Variants in GRXCR2 observed in about 807,000 individuals in gnomAD.
GRXCR2 encodes the protein glutaredoxin and cysteine rich domain containing 2, also known as glutaredoxin domain-containing cysteine-rich protein 2.
Under a neutral mutation model 24.8 loss-of-function variants are expected in GRXCR2, and 23 were observed. The ratio of observed to expected loss-of-function variants is 0.93; its 90% CI spans 0.67 to 1.32. The LOEUF is 1.32. Among genes scored for constraint, GRXCR2 ranks in the 40% most tolerant of loss-of-function variants. GRXCR2 has a pLI of 0.00. For synonymous variants in GRXCR2, 130 were observed against 116.1 expected, an observed-to-expected ratio of 1.12 and a Z score of -0.77; for missense variants, 315 against 303.4, an observed-to-expected ratio of 1.04 and a Z score of -0.28.
chr5:145,926,472 T>C (rs1301693282), intron 2 of GRXCR2, among the ~76,000 whole-genome samples: 2 of 152,216 alleles, frequency 1.3e-5, no homozygotes, highest in East Asian at 3.8e-4. Context: ...CAGTACCATT[T>C]ATTAAATAGG....
intron 2 of GRXCR2, among the ~76,000 whole-genome samples, chr5:145,866,148 A>AAAAG (rs1363293466): frequency 1.6e-4 from 24 of 148,266 alleles, no homozygotes; most frequent in African/African-American, 3.3e-4. Context: ...AAAAAAAAAA[A>AAAAG]AAAGAAAGAA....
chr5:145,868,823 G>A (rs1216929846), intron 1 of GRXCR2, among the ~76,000 whole-genome samples: 1 of 152,158 alleles, frequency 6.6e-6, no homozygotes, highest in Non-Finnish European at 1.5e-5. Flanking sequence ...CACTTTTAAG[G>A]TGTGTTTAAG....
At chr5:145,876,128 C>T (rs1756609553), upstream of GRXCR2, among the ~76,000 whole-genome samples, 1 of 150,028 alleles carries the variant, frequency 6.7e-6, no homozygotes, top group South Asian at 2.1e-4. Flanking sequence ...AATTATGCCA[C>T]TGCACTCCAG....
chr5:145,866,673 A>AT lies in GRXCR2; in HGVS notation c.391dup (p.Ile131AsnfsTer23). ...TCTCTTGTCCATTGGGGTTCGAATG[A>AT]TTTTCAGGTTATTAGTGTAGATGAT... is the stretch of plus-strand genomic sequence containing the variant. On this transcript the variant is annotated frameshift_variant, in exon 2 of 3. Coordinates refer to ENST00000377976, the MANE Select transcript of GRXCR2 (RefSeq NM_001080516.2). LOFTEE classifies it high-confidence loss of function. The AT allele has an allele frequency of 1.9e-6, 3 of 1,613,770 alleles. No individual in the cohort carries two copies. The highest frequency in any genetic ancestry group is 2.5e-6 in the Non-Finnish European group (3 of 1,179,666).
chr5:145,916,808 C>A (rs767597229), intron 2 of GRXCR2, among the ~76,000 whole-genome samples: 1 of 152,038 alleles, frequency 6.6e-6, no homozygotes, highest in African/African-American at 2.4e-5. Flanking sequence ...TATGACCAAC[C>A]TTAGAGGGTC....
chr5:145,860,790 A>G (rs866420321), intron 2 of GRXCR2, among the ~76,000 whole-genome samples: 4 of 152,142 alleles, frequency 2.6e-5, no homozygotes, highest in African/African-American at 7.2e-5. Flanking sequence ...TTATTTATAG[A>G]ATTGAATAAT....
chr5:145,865,852 G>A (rs1267481771), intron 2 of GRXCR2, among the ~76,000 whole-genome samples: 1 of 151,904 alleles, frequency 6.6e-6, no homozygotes, highest in Non-Finnish European at 1.5e-5. Flanking sequence ...AAAAGATAGG[G>A]CCAGGCCAGG....
At chr5:145,884,849 G>A (rs1020605449) in intron 2 of GRXCR2, among the ~76,000 whole-genome samples, 2 of 152,076 alleles carry the variant, frequency 1.3e-5, no homozygotes, top group African/African-American at 4.8e-5. Context: ...ATCTTTTTAG[G>A]AGTAGAATTT....
At chr5:145,922,716 A>C (rs970697336) in intron 2 of GRXCR2, among the ~76,000 whole-genome samples, 4 of 152,218 alleles carry the variant, frequency 2.6e-5, no homozygotes, top group Non-Finnish European at 5.9e-5. Context: ...CCAGGGACTC[A>C]TATGGTCCAG....
intron 2 of GRXCR2, among the ~76,000 whole-genome samples, chr5:145,897,037 A>G (rs1756960538): frequency 6.6e-6 from 1 of 150,816 alleles, no homozygotes; most frequent in African/African-American, 2.4e-5. Context: ...CGCAAGGACA[A>G]AAAACCAAAC....
intron 1 of GRXCR2, among the ~76,000 whole-genome samples, chr5:145,869,379 T>C (rs1444493469): frequency 6.6e-6 from 1 of 152,174 alleles, no homozygotes; most frequent in Admixed American, 6.5e-5. Context: ...TAAACTTCAG[T>C]TTTAATTGCT....
Position 145,889,154 on chromosome 5 carries a change from C to T in GRXCR2, c.-69-22426G>A, listed in dbSNP as rs540278646. Among the ~76,000 whole-genome samples, 4 of 138,386 alleles carry T rather than the reference C, an allele frequency of 2.9e-5. No homozygotes were observed. The South Asian group carries it at 8.9e-4, about 31-fold the overall frequency. The allele number at this position is 138,386 out of a possible 152,430, so 90.8% of individuals were successfully genotyped here. On this transcript the variant is annotated intron_variant, in intron 2 of 3. Coordinates refer to the GRXCR2 transcript ENST00000639411. The stretch of plus-strand genomic sequence containing the variant: ...ACTCCAGCTTGAGCTGGGTGACAGA[C>T]CGAGACTCTGTCTCAAAAAAAGAAA...
At chr5:145,893,342 C>T (rs6898019) in intron 2 of GRXCR2, among the ~76,000 whole-genome samples, 107,718 of 152,022 alleles carry the variant, frequency 0.71, 39,141 homozygotes, top group African/African-American at 0.87. Context: ...AATGGCAAAT[C>T]GGATAAAGAG....
At chr5:145,868,145 A>G (rs1016230293) in intron 1 of GRXCR2, among the ~76,000 whole-genome samples, 1 of 152,080 alleles carries the variant, frequency 6.6e-6, no homozygotes, top group African/African-American at 2.4e-5. Context: ...TTTATTTTAT[A>G]TGTTGATTGT....
upstream of GRXCR2, among the ~76,000 whole-genome samples, chr5:145,873,693 G>A (rs558800990): frequency 1.2e-4 from 19 of 152,306 alleles, no homozygotes; most frequent in South Asian, 1.0e-3. Flanking sequence ...GGAGAAGGCC[G>A]AGGGTCCTGG....
intron 2 of GRXCR2, among the ~76,000 whole-genome samples, chr5:145,914,675 CAAAAAAA>C (rs34955541): frequency 1.8e-5 from 1 of 55,226 alleles, no homozygotes; most frequent in Non-Finnish European, 3.2e-5. Context: ...GACTCCATCT[CAAAAAAA>C]AAAAAAAAAA....
At chr5:145,862,609 A>G (rs1293122995) in intron 2 of GRXCR2, among the ~76,000 whole-genome samples, 7 of 152,140 alleles carry the variant, frequency 4.6e-5, no homozygotes, top group Non-Finnish European at 4.4e-5. Flanking sequence ...CAGACCCACC[A>G]ATCCACCTCT....
chr5:145,927,156 C>T (rs2149930458), intron 2 of GRXCR2, among the ~76,000 whole-genome samples: 1 of 152,272 alleles, frequency 6.6e-6, no homozygotes, highest in South Asian at 2.1e-4. Context: ...TCTACATATA[C>T]AATCATGTCA....
intron 2 of GRXCR2, among the ~76,000 whole-genome samples, chr5:145,880,762 T>C (rs1459136208): frequency 6.6e-6 from 1 of 152,202 alleles, no homozygotes; most frequent in African/African-American, 2.4e-5. Flanking sequence ...CTGATGAACA[T>C]GAGTGCGAAA....
Sources: allele counts gnomAD v4.1 joint callset (sites outside exome capture counted in the v4.1 genomes callset), GRCh38; gene constraint gnomAD v4.1.1; transcripts MANE v1.5; gene names NCBI Gene and HGNC (gene_info 2026-07-23, HGNC 2026-07-21).